CCDC175: variants seen among roughly 807,000 people sequenced by gnomAD.
CCDC175 encodes coiled-coil domain-containing protein 175.
A neutral mutation model predicts 114.6 loss-of-function variants in CCDC175; 100 were observed. The ratio of observed to expected loss-of-function variants is 0.87; its 90% confidence interval spans 0.74 to 1.03. CCDC175 has a LOEUF of 1.03. Among genes scored for constraint, CCDC175 ranks in the 50% least tolerant of loss-of-function variants. The pLI is 0.00. For synonymous variants in CCDC175, 306 were observed against 308.7 expected (o/e 0.99, Z 0.09); for missense variants, 880 against 917.8 (o/e 0.96, Z 0.53).
In CCDC175 at chr14:59,565,086, CCTTT is replaced by C; in HGVS notation, c.677_680del (p.Glu226GlyfsTer5). On this transcript the variant is annotated frameshift_variant, in exon 5 of 20. Transcript: ENST00000537690. LOFTEE classifies it high-confidence loss of function. ...CTTGTTTTCTTATTAGATATTCTGC[CCTTT>C]CTTTTTCCATTAGCTCCTCTGCCTC... is the stretch of plus-strand genomic sequence containing the variant. 6.5e-7 allele frequency: 1 copy of C among 1,537,368 alleles called. No homozygotes were observed. The highest frequency in any genetic ancestry group is 1.2e-5 in the South Asian group (1 of 84,010).
At chr14:59,507,330 A>G (rs952902387) in intron 19 of CCDC175, among the ~76,000 whole-genome samples, 5 of 152,188 alleles carry the variant, frequency 3.3e-5, no homozygotes, top group African/African-American at 7.2e-5. Flanking sequence ...AAGGAATCCA[A>G]TGTATTTTCA....
chr14:59,510,546 A>C, intron 19 of CCDC175, 100 bp downstream of exon 19: 1 of 1,176,164 alleles, frequency 8.5e-7, no homozygotes, highest in Non-Finnish European at 1.2e-6. Context: ...GGGATAACTA[A>C]GTCACTTAGT....
chr14:59,570,013 G>T (rs1896759111), intron 3 of CCDC175, among the ~76,000 whole-genome samples: 1 of 152,322 alleles, frequency 6.6e-6, no homozygotes, highest in Non-Finnish European at 1.5e-5. Context: ...TTCATGAAAT[G>T]CTGGGCTGAT....
intron 14 of CCDC175, 67 bp downstream of exon 14, chr14:59,531,705 G>T: frequency 1.7e-6 from 2 of 1,146,266 alleles, no homozygotes; most frequent in Non-Finnish European, 2.4e-6. Flanking sequence ...TGACCTCCTT[G>T]TGTTAGAAGA....
rs534182775 is a variant in CCDC175, at chr14:59,527,270, A to G, written c.1763-96T>C. The G allele has an allele frequency of 9.9e-5, 66 of 665,316 alleles. No homozygotes were observed. The African/African-American group carries it at 1.2e-3, about 12-fold the overall frequency. The allele number at this position is 665,316 out of a possible 1,614,324, so 41.2% of individuals were successfully genotyped here. ...GTTTTAAAAATCAAATTATCTCACA[A>G]GGTTTATAACAAAAACCAACTGTCA... On this transcript the variant is annotated intron_variant, in intron 14 of 19. Transcript: ENST00000537690.
At chr14:59,529,190 C>T (rs903298974) in intron 14 of CCDC175, among the ~76,000 whole-genome samples, 4 of 152,192 alleles carry the variant, frequency 2.6e-5, no homozygotes, top group Non-Finnish European at 5.9e-5. Flanking sequence ...ATGTTAGTCT[C>T]CTTCCTCAGG....
intron 17 of CCDC175, among the ~76,000 whole-genome samples, chr14:59,519,252 C>A (rs1893287341): frequency 6.6e-6 from 1 of 151,896 alleles, no homozygotes; most frequent in Admixed American, 6.6e-5. Flanking sequence ...ACTAACATGG[C>A]ACATGTATAC....
chr14:59,531,313 G>C (rs1301589126), intron 14 of CCDC175, among the ~76,000 whole-genome samples: 1 of 151,478 alleles, frequency 6.6e-6, no homozygotes, highest in Non-Finnish European at 1.5e-5. Flanking sequence ...TCAGATCTGA[G>C]ACAAGCTCTT....
chr14:59,543,813 A>C (rs543733987), intron 9 of CCDC175, among the ~76,000 whole-genome samples: 1 of 152,294 alleles, frequency 6.6e-6, no homozygotes, highest in East Asian at 1.9e-4. Flanking sequence ...ATTTTCATAA[A>C]ATTTATGAAA....
intron 13 of CCDC175, 66 bp downstream of exon 13, chr14:59,537,957 A>G: frequency 3.9e-5 from 38 of 981,074 alleles, no homozygotes; most frequent in Non-Finnish European, 5.0e-5. Flanking sequence ...AATAGCATGA[A>G]ATATTATTCC....
chr14:59,555,661 G>C (rs539733782), intron 7 of CCDC175, among the ~76,000 whole-genome samples: 42 of 152,316 alleles, frequency 2.8e-4, no homozygotes, highest in African/African-American at 8.9e-4. Context: ...ATTAGGAAAA[G>C]AGGAAGTCAG....
chr14:59,537,954 T>G, intron 13 of CCDC175, 69 bp downstream of exon 13: 1 of 1,067,928 alleles, frequency 9.4e-7, no homozygotes, highest in Non-Finnish European at 1.3e-6. Flanking sequence ...TAGAATAGCA[T>G]GAAATATTAT....
At chr14:59,569,852 G>A (rs1455485886) in intron 3 of CCDC175, among the ~76,000 whole-genome samples, 2 of 152,214 alleles carry the variant, frequency 1.3e-5, no homozygotes, top group East Asian at 3.8e-4. Context: ...GTGGTAAGAA[G>A]TGAAGAGAAC....
chr14:59,521,542 C>G (rs1226895917), intron 17 of CCDC175, 32 bp downstream of exon 17: 2 of 1,236,394 alleles, frequency 1.6e-6, no homozygotes, highest in Admixed American at 4.0e-5. Flanking sequence ...CTAAAGAACC[C>G]TGACTAATAC....
chr14:59,562,880 A>T (rs1384536864), intron 6 of CCDC175, among the ~76,000 whole-genome samples: 1 of 152,176 alleles, frequency 6.6e-6, no homozygotes, highest in African/African-American at 2.4e-5. Context: ...ATAATTTTTC[A>T]AATGCACATA....
At chr14:59,556,885 T>C (rs1475251991) in intron 7 of CCDC175, among the ~76,000 whole-genome samples, 2 of 152,086 alleles carry the variant, frequency 1.3e-5, no homozygotes, top group Non-Finnish European at 2.9e-5. Context: ...TCACTGGCCA[T>C]CAGAGAAATG....
At chr14:59,540,474 C>G (rs1310601083) in intron 11 of CCDC175, among the ~76,000 whole-genome samples, 1 of 143,102 alleles carries the variant, frequency 7.0e-6, no homozygotes, top group African/African-American at 2.5e-5. Context: ...AAATGGAAAA[C>G]TTTGATTCTG....
chr14:59,525,897 C>T (rs539307727), intron 15 of CCDC175, among the ~76,000 whole-genome samples: 2 of 152,170 alleles, frequency 1.3e-5, no homozygotes, highest in Admixed American at 1.3e-4. Flanking sequence ...AGGTTATATG[C>T]AAATACTACA....
chr14:59,556,348 G>C (rs1164059833), intron 7 of CCDC175, among the ~76,000 whole-genome samples: 1 of 152,032 alleles, frequency 6.6e-6, no homozygotes, highest in South Asian at 2.1e-4. Flanking sequence ...CTGACAAAAA[G>C]AGGAAATGGG....
Sources: allele counts gnomAD v4.1 joint callset (sites outside exome capture counted in the v4.1 genomes callset), GRCh38; gene constraint gnomAD v4.1.1; transcripts MANE v1.5; gene names NCBI Gene and HGNC (gene_info 2026-07-23, HGNC 2026-07-21).